The following PCDHA1 variants were observed in gnomAD, a reference collection of about 807,000 sequenced individuals.
The protein encoded by PCDHA1 is protocadherin alpha-1.
In PCDHA1, 42 loss-of-function variants were observed where a neutral mutation model predicts 61.3. The observed-to-expected ratio is 0.69, with a 90% CI of 0.54 to 0.89. The LOEUF (loss-of-function observed/expected upper bound fraction) is 0.89. Ranked by LOEUF, PCDHA1 falls within the 40% of genes least tolerant of loss-of-function variation. The pLI, the probability that PCDHA1 is intolerant of heterozygous loss-of-function variation, is 0.00. For missense variants in PCDHA1, 1,256 were observed against 1,235.3 expected, an observed-to-expected ratio of 1.02 and a Z score of -0.25; for synonymous variants, 610 against 553.8, an observed-to-expected ratio of 1.10 and a Z score of -1.43.
At position 140,786,308 on chromosome 5, in the gene PCDHA1, AGG is replaced by A. The variant is rs1284993013; in HGVS notation, c.22_23del (p.Gly8ProfsTer119). 6.2e-7 allele frequency: 1 copy of A among 1,608,376 alleles called. No homozygotes were observed. The highest frequency in any genetic ancestry group is 8.5e-7 in the Non-Finnish European group (1 of 1,177,180). The stretch of plus-strand genomic sequence containing the variant: ...CTTTTGCAATGGTGTTTTCTAGGAG[AGG>A]GGGCCTGGGAGCCCGGGATCTGCTT... MVFSRR[G>X]GLGARDLLLW... On this transcript the variant is annotated frameshift_variant, in exon 1 of 4. Transcript: ENST00000504120. LOFTEE classifies it high-confidence loss of function.
At chr5:140,822,940 ATGCCCCACGTTCCCTTCAAGCTGG>A (rs1767480245) in intron 1 of PCDHA1, 1 of 1,614,204 alleles carries the variant, frequency 6.2e-7, no homozygotes, top group Admixed American at 1.7e-5. Flanking sequence ...CTGCTCCCTA[ATGCCCCACGTTCCCTTCAAGCTGG>A]TGTCCACCTT....
chr5:140,835,857 T>C (rs2150246774), intron 1 of PCDHA1: 3 of 1,612,210 alleles, frequency 1.9e-6, no homozygotes, highest in Non-Finnish European at 8.5e-7. Flanking sequence ...GCTGGTGTCC[T>C]ACTCGCTGGT....
intron 1 of PCDHA1, chr5:140,828,401 A>C: frequency 2.5e-6 from 4 of 1,614,288 alleles, no homozygotes; most frequent in Non-Finnish European, 3.4e-6. Context: ...GGAGTGCAGC[A>C]TCCACCTGGA....
At chr5:140,815,485 A>C (rs1296934690) in intron 1 of PCDHA1, 1 of 151,992 alleles carries the variant, frequency 6.6e-6, no homozygotes, top group Admixed American at 6.6e-5. Flanking sequence ...TCCCCTACCC[A>C]AATTTTATGT....
At chr5:140,803,561 A>G (rs1261554487) in intron 1 of PCDHA1, 2 of 1,614,232 alleles carry the variant, frequency 1.2e-6, no homozygotes, top group Admixed American at 1.7e-5. Context: ...GAGAGGAGAA[A>G]CAGGATGTGG....
At chr5:141,002,807 C>T (rs1297773193) in intron 3 of PCDHA1, among the ~76,000 whole-genome samples, 1 of 152,152 alleles carries the variant, frequency 6.6e-6, no homozygotes, top group Non-Finnish European at 1.5e-5. Flanking sequence ...GAAACTGAGG[C>T]TCAGAGATAT....
chr5:140,826,838 C>CA (rs1486763325), intron 1 of PCDHA1, among the ~76,000 whole-genome samples: 1 of 152,062 alleles, frequency 6.6e-6, no homozygotes, highest in Non-Finnish European at 1.5e-5. Flanking sequence ...AGAAGTTTCT[C>CA]AAGTGTCTTG....
intron 1 of PCDHA1, chr5:140,870,676 G>A (rs561705674): frequency 1.9e-6 from 3 of 1,612,702 alleles, no homozygotes; most frequent in African/African-American, 1.3e-5. Flanking sequence ...GTTGGACCAC[G>A]AGGAGCTGGA....
At chr5:140,976,971 C>A (rs2096740170) in intron 1 of PCDHA1, among the ~76,000 whole-genome samples, 1 of 152,138 alleles carries the variant, frequency 6.6e-6, no homozygotes, top group Non-Finnish European at 1.5e-5. Flanking sequence ...TTTCCTTTTC[C>A]CTGCCTGATC....
chr5:140,864,689 C>A (rs970922865), intron 1 of PCDHA1: 4 of 152,202 alleles, frequency 2.6e-5, no homozygotes, highest in African/African-American at 7.2e-5. Context: ...TGCTGTCCTC[C>A]AGTTTAAGTT....
intron 1 of PCDHA1, among the ~76,000 whole-genome samples, chr5:140,880,929 A>T (rs2058535682): frequency 6.6e-6 from 1 of 152,232 alleles, no homozygotes; most frequent in African/African-American, 2.4e-5. Flanking sequence ...TATGTTAGTA[A>T]AAGTAATGGA....
At chr5:140,835,352 C>A (rs2150234415) in intron 1 of PCDHA1, 3 of 1,613,802 alleles carry the variant, frequency 1.9e-6, no homozygotes, top group South Asian at 1.1e-5. Flanking sequence ...TCGAGGCTGT[C>A]GATAAAGGCT....
chr5:140,809,837 G>T, intron 1 of PCDHA1: 1 of 337,106 alleles, frequency 3.0e-6, no homozygotes, highest in Non-Finnish European at 5.3e-6. Flanking sequence ...TTTGTTTTTG[G>T]TAATAATCAA....
chr5:140,841,885 G>C (rs2150324724), intron 1 of PCDHA1: 2 of 1,613,802 alleles, frequency 1.2e-6, no homozygotes, highest in Non-Finnish European at 1.7e-6. Context: ...AGAACGATGA[G>C]AATAAACTGG....
rs79247475 is a variant in PCDHA1 at position 140,982,540 on chromosome 5, C to G, written c.2519C>G (p.Pro840Arg). The G allele has an allele frequency of 4.3e-3, 6,927 of 1,614,122 alleles. 34 individuals are homozygous for G. The highest frequency in any genetic ancestry group is 5.0e-3 in the South Asian group (455 of 91,080). Residue 840 changes from proline to arginine, a missense_variant, in exon 3 of 4, where the codon CCA becomes CGA. Physicochemically the swap from Pro to Arg is moderately radical, Grantham distance 103. Transcript: ENST00000504120. ...AGPGGPDQQW[P>R]TVSSATPEPE... ...CCAGGAGGGCCTGATCAGCAGTGGC[C>G]AACAGTATCCAGTGCAACACCAGGT...
chr5:140,900,141 A>G (rs2067777266), intron 1 of PCDHA1, among the ~76,000 whole-genome samples: 1 of 152,202 alleles, frequency 6.6e-6, no homozygotes, highest in Middle Eastern at 3.2e-3. Context: ...ACAAATAAGT[A>G]AGAACATACG....
At chr5:140,938,209 G>C (rs1210350140) in intron 1 of PCDHA1, among the ~76,000 whole-genome samples, 1 of 152,160 alleles carries the variant, frequency 6.6e-6, no homozygotes, top group Admixed American at 6.5e-5. Flanking sequence ...GCCTCCCAAA[G>C]TGCTGGGATT....
chr5:140,973,209 C>T (rs1273068326), intron 1 of PCDHA1, among the ~76,000 whole-genome samples: 4 of 152,100 alleles, frequency 2.6e-5, no homozygotes, highest in Non-Finnish European at 4.4e-5. Flanking sequence ...GCATATTCAC[C>T]CTAATTCCAG....
intron 3 of PCDHA1, among the ~76,000 whole-genome samples, chr5:140,989,918 G>A (rs1554251173): frequency 6.6e-6 from 1 of 151,960 alleles, no homozygotes; most frequent in East Asian, 1.9e-4. Flanking sequence ...AAGAGGGAGA[G>A]CAGAGATAGA....
Sources: gnomAD v4.1 joint callset for allele counts (sites outside exome capture counted in the v4.1 genomes callset) on GRCh38, gnomAD v4.1.1 for gene constraint, MANE v1.5 for transcripts, NCBI Gene and HGNC (gene_info 2026-07-23, HGNC 2026-07-21) for gene names.